Variants in MSR1 observed in about 807,000 individuals in gnomAD.
MSR1 encodes macrophage scavenger receptor 1, also known as macrophage scavenger receptor types I and II.
MSR1 carries 53 observed loss-of-function variants against 47.2 expected under a neutral mutation model. The observed-to-expected ratio is 1.12, with a 90% CI of 0.90 to 1.41. The LOEUF (loss-of-function observed/expected upper bound fraction) is 1.41, where lower values mean the gene tolerates loss of function less well. Among genes scored for constraint, MSR1 ranks in the 40% most tolerant of loss-of-function variants. The pLI is 0.00. For missense variants in MSR1, 786 were observed against 546.9 expected (o/e 1.44, Z -4.36); for synonymous variants, 239 against 185.6 (o/e 1.29, Z -2.34).
intron 8 of MSR1, among the ~76,000 whole-genome samples, chr8:16,136,387 A>C (rs1341114740): frequency 6.6e-6 from 1 of 152,206 alleles, no homozygotes; most frequent in Non-Finnish European, 1.5e-5. Flanking sequence ...ATTTTTTAGC[A>C]ATAAAGTATT....
rs528085002 is a variant in MSR1, at chr8:16,185,681, T to G, written c.-5+6917A>C. Among the ~76,000 whole-genome samples, 5 of 152,228 alleles carry G rather than the reference T, an allele frequency of 3.3e-5. No individual in the cohort carries two copies. The South Asian group carries it at 8.3e-4, about 25-fold the overall frequency. ...CCAATTTTTGGACTTCGGCTTATTT[T>G]TATCTACTCCAGCCAGGCATCTTGG... On this transcript the variant is annotated intron_variant, in intron 1 of 9. Coordinates refer to ENST00000262101, the MANE Select transcript of MSR1 (RefSeq NM_138715.3).
At chr8:16,150,170 AT>A (rs1347920331) in intron 7 of MSR1, 60 bp downstream of exon 7, 52 of 316,252 alleles carry the variant, frequency 1.6e-4, no homozygotes, top group South Asian at 9.9e-4. Context: ...ATATATATAT[AT>A]AAAATTATCT....
intron 1 of MSR1, among the ~76,000 whole-genome samples, chr8:16,191,212 A>C (rs533859524): frequency 6.6e-6 from 1 of 152,332 alleles, no homozygotes; most frequent in East Asian, 1.9e-4. Flanking sequence ...TGTAAGACAG[A>C]TTTTAGTAAG....
intron 9 of MSR1, among the ~76,000 whole-genome samples, chr8:16,115,904 C>T (rs150977186): frequency 7.7e-4 from 117 of 152,210 alleles, no homozygotes; most frequent in Middle Eastern, 3.4e-3. Flanking sequence ...GGGAGGATCG[C>T]TTGAGAGCAG....
chr8:16,190,808 G>A (rs142073651), intron 1 of MSR1, among the ~76,000 whole-genome samples: 2,154 of 148,960 alleles, frequency 0.014, 22 homozygotes, highest in Middle Eastern at 0.025. Flanking sequence ...CACAACCTCC[G>A]CCTCCTGGGT....
chr8:16,150,350 AT>A, intron 6 of MSR1, 39 bp from the exon 7 acceptor site: 1 of 1,227,932 alleles, frequency 8.1e-7, no homozygotes, highest in South Asian at 1.4e-5. Context: ...GTAATAATTC[AT>A]TTTCATACAG....
intron 1 of MSR1, among the ~76,000 whole-genome samples, chr8:16,179,280 A>G (rs1267840840): frequency 6.6e-6 from 1 of 152,170 alleles, no homozygotes; most frequent in Non-Finnish European, 1.5e-5. Flanking sequence ...TTCCCAGATA[A>G]TTGTTTTAAT....
chr8:16,177,145 A>G (rs1465384497), intron 2 of MSR1, among the ~76,000 whole-genome samples: 1 of 152,138 alleles, frequency 6.6e-6, no homozygotes, highest in African/African-American at 2.4e-5. Context: ...CCACTGCTAT[A>G]TGGGTTGAAT....
chr8:16,140,756 TA>T, intron 8 of MSR1: 2 of 1,421,446 alleles, frequency 1.4e-6, no homozygotes, highest in Admixed American at 3.0e-5. Flanking sequence ...CTGGGGGTGA[TA>T]GGGGAGAGAG....
intron 1 of MSR1, among the ~76,000 whole-genome samples, chr8:16,189,805 A>G (rs546759455): frequency 1.4e-5 from 2 of 141,922 alleles, no homozygotes; most frequent in South Asian, 4.3e-4. Context: ...ATTTTTCTAA[A>G]TAAAAAATAC....
At chr8:16,138,648 C>T (rs977752993) in intron 8 of MSR1, among the ~76,000 whole-genome samples, 2 of 152,114 alleles carry the variant, frequency 1.3e-5, no homozygotes, top group African/African-American at 4.8e-5. Flanking sequence ...CTGATGTAGA[C>T]CAAGGTCTGC....
intron 1 of MSR1, among the ~76,000 whole-genome samples, chr8:16,189,229 C>G (rs950925641): frequency 2.5e-5 from 3 of 118,622 alleles, no homozygotes; most frequent in African/African-American, 3.7e-5. Flanking sequence ...TATGTAAAAT[C>G]TTATTTTATA....
chr8:16,138,121 A>C (rs1280619797), intron 8 of MSR1, among the ~76,000 whole-genome samples: 1 of 152,180 alleles, frequency 6.6e-6, no homozygotes, highest in Non-Finnish European at 1.5e-5. Context: ...TCAAATGAAA[A>C]AACAAATGGA....
rs1276861032 is a variant in MSR1, at chr8:16,108,986, T to G, written c.*1099A>C. 6.6e-6 allele frequency: 1 copy of G among 152,098 alleles called. No homozygotes were observed. Among genetic ancestry groups the G allele is most frequent in the African/African-American group, 2.4e-5 (1 of 41,440 alleles). The allele number at this position is 152,098 out of a possible 1,614,324, so 9.4% of individuals were successfully genotyped here. A position where few individuals can be genotyped will look rare whatever the true frequency, so the allele number is the denominator to read the frequency against. ...GGCTGAGGTTGAATTCATTTGCGCTTTAATATCAACTGCTGGTCTTTCTGC... is the reference window on the plus strand; with the variant it reads ...GGCTGAGGTTGAATTCATTTGCGCTGTAATATCAACTGCTGGTCTTTCTGC... On this transcript the variant is annotated 3_prime_UTR_variant, in exon 10 of 10. Coordinates refer to ENST00000262101, the MANE Select transcript of MSR1 (RefSeq NM_138715.3).
intron 8 of MSR1, among the ~76,000 whole-genome samples, chr8:16,136,050 T>C (rs1370141867): frequency 6.6e-6 from 1 of 152,158 alleles, no homozygotes; most frequent in African/African-American, 2.4e-5. Flanking sequence ...GTGAACATTG[T>C]TGAGACGACA....
intron 3 of MSR1, among the ~76,000 whole-genome samples, chr8:16,174,514 G>A (rs1472803061): frequency 2.0e-5 from 3 of 152,122 alleles, no homozygotes; most frequent in African/African-American, 7.2e-5. Context: ...TCCGGTTCAA[G>A]TCAGACCCTC....
At chr8:16,167,985 T>A (rs1253733072) in intron 4 of MSR1, among the ~76,000 whole-genome samples, 1 of 152,042 alleles carries the variant, frequency 6.6e-6, no homozygotes, top group Non-Finnish European at 1.5e-5. Context: ...AGACTCCCCA[T>A]ACAAAAACTG....
chr8:16,131,450 T>G (rs994886916), intron 8 of MSR1, among the ~76,000 whole-genome samples: 4 of 147,732 alleles, frequency 2.7e-5, no homozygotes, highest in Non-Finnish European at 3.0e-5. Context: ...AGTTTTTTTT[T>G]TTTTTTTTTT....
chr8:16,169,445 C>T (rs896558168), intron 3 of MSR1, among the ~76,000 whole-genome samples: 1 of 152,118 alleles, frequency 6.6e-6, no homozygotes, highest in Non-Finnish European at 1.5e-5. Flanking sequence ...GTTGGTGGAG[C>T]AGGAAATTGG....
Sources: gnomAD v4.1 joint callset for allele counts (sites outside exome capture counted in the v4.1 genomes callset) on GRCh38, gnomAD v4.1.1 for gene constraint, MANE v1.5 for transcripts, NCBI Gene and HGNC (gene_info 2026-07-23, HGNC 2026-07-21) for gene names.